PTTG1IP2: variants seen among roughly 807,000 people sequenced by gnomAD.
PTTG1IP2 encodes PTTG1IP family member 2.
chr7:90,502,609 G>A (rs1036562766), intron 6 of PTTG1IP2, among the ~76,000 whole-genome samples: 11 of 152,174 alleles, frequency 7.2e-5, no homozygotes, highest in East Asian at 3.8e-4. Context: ...TAGCAGGCAC[G>A]AAAACATTAT....
At chr7:90,496,735 C>T (rs1231141941) in intron 6 of PTTG1IP2, among the ~76,000 whole-genome samples, 1 of 151,506 alleles carries the variant, frequency 6.6e-6, no homozygotes, top group Non-Finnish European at 1.5e-5. Context: ...CTTCTATTAC[C>T]TTTGGGCATA....
At chr7:90,488,153 G>GA (rs1408594215) in intron 3 of PTTG1IP2, among the ~76,000 whole-genome samples, 1 of 151,972 alleles carries the variant, frequency 6.6e-6, no homozygotes, top group Admixed American at 6.6e-5. Context: ...CTAGCTATGT[G>GA]AAAAAACCCA....
chr7:90,512,728 A>C (rs1798204901), intron 6 of PTTG1IP2, among the ~76,000 whole-genome samples: 2 of 152,242 alleles, frequency 1.3e-5, no homozygotes, highest in Admixed American at 1.3e-4. Context: ...GGAAGACAAG[A>C]AGTAGTCTGT....
chr7:90,497,928 T>G (rs1318841329), intron 6 of PTTG1IP2, among the ~76,000 whole-genome samples: 1 of 152,150 alleles, frequency 6.6e-6, no homozygotes, highest in Non-Finnish European at 1.5e-5. Context: ...CTACTATTAC[T>G]GCATTATTGC....
chr7:90,512,727 G>C (rs1179285865), intron 6 of PTTG1IP2, among the ~76,000 whole-genome samples: 1 of 152,212 alleles, frequency 6.6e-6, no homozygotes, highest in Non-Finnish European at 1.5e-5. Context: ...AGGAAGACAA[G>C]AAGTAGTCTG....
intron 6 of PTTG1IP2, among the ~76,000 whole-genome samples, chr7:90,501,195 A>G (rs1383504203): frequency 6.6e-6 from 1 of 152,240 alleles, no homozygotes; most frequent in Non-Finnish European, 1.5e-5. Flanking sequence ...AATATTTACT[A>G]GAAAAAGGAG....
At chr7:90,505,310 T>A (rs1420136900) in intron 6 of PTTG1IP2, among the ~76,000 whole-genome samples, 1 of 152,206 alleles carries the variant, frequency 6.6e-6, no homozygotes, top group African/African-American at 2.4e-5. Flanking sequence ...GAGAAAGCTA[T>A]TGTTGGACTG....
chr7:90,485,701 T>C (rs1289314516), intron 2 of PTTG1IP2, among the ~76,000 whole-genome samples: 1 of 152,162 alleles, frequency 6.6e-6, no homozygotes, highest in Non-Finnish European at 1.5e-5. Flanking sequence ...TAGGGGAGAT[T>C]GTCTCTTCTG....
chr7:90,483,093 ATGGATCCGAATC>A (rs1282298898), intron 2 of PTTG1IP2, among the ~76,000 whole-genome samples: 2 of 152,110 alleles, frequency 1.3e-5, no homozygotes, highest in African/African-American at 4.8e-5. Context: ...GGACAAGGTG[ATGGATCCGAATC>A]TGGATATGGC....
chr7:90,478,221 T>A (rs541660188), intron 1 of PTTG1IP2, among the ~76,000 whole-genome samples: 1 of 152,254 alleles, frequency 6.6e-6, no homozygotes, highest in African/African-American at 2.4e-5. Context: ...ATAAAAACTT[T>A]AGTTTACAAA....
intron 5 of PTTG1IP2, among the ~76,000 whole-genome samples, chr7:90,492,537 G>A (rs981700643): frequency 8.7e-4 from 133 of 152,178 alleles, no homozygotes; most frequent in African/African-American, 3.0e-3. Context: ...TTGCATTTCA[G>A]CCTGGGCCAC....
At chr7:90,482,667 T>C (rs1413474642) in intron 2 of PTTG1IP2, among the ~76,000 whole-genome samples, 2 of 152,206 alleles carry the variant, frequency 1.3e-5, no homozygotes, top group South Asian at 4.1e-4. Flanking sequence ...TGCATCCCTG[T>C]TGAATCCTTG....
intron 1 of PTTG1IP2, among the ~76,000 whole-genome samples, chr7:90,478,910 T>C (rs1411229027): frequency 6.6e-6 from 1 of 152,020 alleles, no homozygotes; most frequent in African/African-American, 2.4e-5. Flanking sequence ...TAACAGCACA[T>C]GATATTTTAA....
intron 6 of PTTG1IP2, among the ~76,000 whole-genome samples, chr7:90,500,657 A>C (rs1047525707): frequency 6.6e-6 from 1 of 152,186 alleles, no homozygotes; most frequent in African/African-American, 2.4e-5. Flanking sequence ...CTTATGGGGC[A>C]CTCTGGAACT....
intron 6 of PTTG1IP2, among the ~76,000 whole-genome samples, chr7:90,505,990 CAAAAAAAAAA>C (rs59521168): frequency 9.1e-5 from 7 of 77,318 alleles, no homozygotes; most frequent in African/African-American, 2.7e-4. Context: ...GACTCCGTCT[CAAAAAAAAAA>C]AAAAAAAAAA....
At chr7:90,508,275 A>C (rs1798146907) in intron 6 of PTTG1IP2, among the ~76,000 whole-genome samples, 1 of 130,044 alleles carries the variant, frequency 7.7e-6, no homozygotes, top group African/African-American at 2.6e-5. Flanking sequence ...AAAAAAAAAA[A>C]AAAAAGAAAA....
intron 2 of PTTG1IP2, among the ~76,000 whole-genome samples, chr7:90,486,930 T>G (rs2214100): frequency 0.4 from 60,279 of 151,986 alleles, 12,989 homozygotes; most frequent in Non-Finnish European, 0.5. Context: ...CTTAGCTAAA[T>G]CTCACTCTTG....
At chr7:90,490,265 T>A (rs1016812561) in intron 4 of PTTG1IP2, among the ~76,000 whole-genome samples, 1 of 152,070 alleles carries the variant, frequency 6.6e-6, no homozygotes, top group Admixed American at 6.5e-5. Context: ...TTTTTCTCCT[T>A]CATCCCAGTA....
chr7:90,512,803 A>G (rs999130463), intron 6 of PTTG1IP2, among the ~76,000 whole-genome samples: 4 of 152,256 alleles, frequency 2.6e-5, no homozygotes, highest in Non-Finnish European at 5.9e-5. Context: ...ATTATTCTAC[A>G]GAACAGCTGC....
Sources: allele counts gnomAD v4.1 joint callset (sites outside exome capture counted in the v4.1 genomes callset), GRCh38; gene constraint gnomAD v4.1.1; transcripts MANE v1.5; gene names NCBI Gene and HGNC (gene_info 2026-07-23, HGNC 2026-07-21).